The following DCAF7 variants were observed in gnomAD, a reference collection of about 807,000 sequenced individuals.
DCAF7 encodes DDB1- and CUL4-associated factor 7.
DCAF7 carries 4 observed loss-of-function variants against 41.2 expected under a neutral mutation model. That is an observed-to-expected ratio of 0.10 (90% CI 0.05 to 0.22). The LOEUF (loss-of-function observed/expected upper bound fraction) is 0.22. Ranked by LOEUF, DCAF7 falls within the 10% of genes least tolerant of loss-of-function variation. The pLI is 1.00. For synonymous variants in DCAF7, 143 were observed against 164.2 expected (o/e 0.87, Z 0.99); for missense variants, 131 against 443.2 (o/e 0.30, Z 6.32).
chr17:63,554,584 C>T (rs2033292144), intron 1 of DCAF7, among the ~76,000 whole-genome samples: 1 of 152,228 alleles, frequency 6.6e-6, no homozygotes, highest in African/African-American at 2.4e-5. Flanking sequence ...CCTGCCACTT[C>T]CCAGTTTTGT....
In DCAF7 at chr17:63,579,823, A is replaced by G. The variant is rs1445650243; in HGVS notation, c.410-2A>G. 1 of 1,612,558 alleles carries G rather than the reference A, an allele frequency of 6.2e-7. No individual in the cohort carries two copies. On this transcript the variant is annotated splice_acceptor_variant, in intron 3 of 6. Coordinates refer to ENST00000614556, the MANE Select transcript of DCAF7 (RefSeq NM_005828.5). LOFTEE classifies it high-confidence loss of function. ...GCCCTGACTTGCACTGGTTGTTTGC[A>G]GGTACCTCAAGCATTGATACGACAT...
chr17:63,572,027 A>C (rs144528461), intron 1 of DCAF7, among the ~76,000 whole-genome samples: 14 of 152,242 alleles, frequency 9.2e-5, no homozygotes, highest in African/African-American at 3.4e-4. Flanking sequence ...CAGTAATGTC[A>C]GTGCTTTCAT....
intron 6 of DCAF7, among the ~76,000 whole-genome samples, chr17:63,588,446 C>G (rs1431597023): frequency 6.6e-6 from 1 of 151,574 alleles, no homozygotes; most frequent in Non-Finnish European, 1.5e-5. Context: ...ATCCGCCTGC[C>G]TCAGCCTTCC....
intron 1 of DCAF7, among the ~76,000 whole-genome samples, chr17:63,559,573 G>A (rs538467597): frequency 1.5e-4 from 22 of 151,012 alleles, no homozygotes; most frequent in Middle Eastern, 6.8e-3. Flanking sequence ...AGGCTGAGGC[G>A]GGTGGATCGC....
intron 1 of DCAF7, among the ~76,000 whole-genome samples, chr17:63,570,005 AC>A (rs1177218654): frequency 1.3e-5 from 2 of 151,938 alleles, no homozygotes; most frequent in African/African-American, 4.8e-5. Flanking sequence ...GAGCCACCAC[AC>A]CCGGTCTAGA....
Position 63,583,511 on chromosome 17 carries a change from A to G in DCAF7, c.538A>G (p.Ile180Val). ...TCTTGTTCACCAACAGGTCTATGAT[A>G]TTGCATTTAGCCGGGCCGGGGGTGG... ...LIAHDKEVYD[I>V]AFSRAGGGRD... Residue 180 changes from isoleucine (I) to valine (V), a missense_variant, in exon 5 of 7, where the codon ATT becomes GTT. By Grantham distance (29) the Ile-to-Val change is conservative (BLOSUM62 3). Coordinates refer to ENST00000614556, the MANE Select transcript of DCAF7 (RefSeq NM_005828.5). The G allele has an allele frequency of 6.2e-7, 1 of 1,613,738 alleles. No individual in the cohort carries two copies. Among genetic ancestry groups the G allele is most frequent in the Non-Finnish European group, 8.5e-7 (1 of 1,179,794 alleles).
rs1048394696 is a variant in DCAF7, at chr17:63,589,586, C to T, written c.*414C>T. The T allele has an allele frequency of 9.4e-5, 21 of 224,468 alleles. No individual in the cohort carries two copies. The highest frequency in any genetic ancestry group is 1.6e-4 in the Non-Finnish European group (18 of 109,414). The allele number at this position is 224,468 out of a possible 1,614,324, so 13.9% of individuals were successfully genotyped here. On this transcript the variant is annotated 3_prime_UTR_variant, in exon 7 of 7. Coordinates refer to ENST00000614556, the MANE Select transcript of DCAF7 (RefSeq NM_005828.5). ...ATGTCCATGTTCGTGTTAGCACTTA[C>T]GTGGGAACAAATACCAATTTGTCTT...
intron 1 of DCAF7, among the ~76,000 whole-genome samples, chr17:63,560,460 C>T (rs2033368573): frequency 6.6e-6 from 1 of 152,104 alleles, no homozygotes; most frequent in Non-Finnish European, 1.5e-5. Context: ...AATGAGCTAG[C>T]TTTTCATATA....
At chr17:63,555,611 G>A (rs1409014445) in intron 1 of DCAF7, among the ~76,000 whole-genome samples, 1 of 152,028 alleles carries the variant, frequency 6.6e-6, no homozygotes, top group African/African-American at 2.4e-5. Flanking sequence ...ATGTGTTTTG[G>A]TACACATCAG....
rs76861853 is a variant in DCAF7, at chr17:63,581,155, G to A, written c.528+1212G>A. 2.4e-3 allele frequency among the ~76,000 whole-genome samples: 373 copies of A among 152,266 alleles called. 3 individuals are homozygous for A. Among genetic ancestry groups the A allele is most frequent in the African/African-American group, 8.7e-3 (362 of 41,560 alleles). Reference sequence around the variant, plus strand: ...AGAGTTGACTGCTGCTAAACCAGGGGTCAAATGAAGAGTTTGTCCCACAGA... The same window carrying A: ...AGAGTTGACTGCTGCTAAACCAGGGATCAAATGAAGAGTTTGTCCCACAGA... On this transcript the variant is annotated intron_variant, in intron 4 of 6. Coordinates refer to ENST00000614556, the MANE Select transcript of DCAF7 (RefSeq NM_005828.5).
At chr17:63,584,006 A>T (rs1343429393) in intron 5 of DCAF7, among the ~76,000 whole-genome samples, 7 of 152,206 alleles carry the variant, frequency 4.6e-5, no homozygotes, top group African/African-American at 7.2e-5. Context: ...CTGGAATAAG[A>T]ATTACTTGTT....
chr17:63,582,940 G>T (rs2033639747), intron 4 of DCAF7, among the ~76,000 whole-genome samples: 1 of 152,186 alleles, frequency 6.6e-6, no homozygotes, highest in African/African-American at 2.4e-5. Flanking sequence ...AGGACAAGCG[G>T]GTGCTACTAA....
At chr17:63,568,483 A>G (rs1036848790) in intron 1 of DCAF7, among the ~76,000 whole-genome samples, 67 of 152,186 alleles carry the variant, frequency 4.4e-4, no homozygotes, top group African/African-American at 1.6e-3. Flanking sequence ...TGATGGCAAA[A>G]AAACACAATT....
intron 1 of DCAF7, among the ~76,000 whole-genome samples, chr17:63,574,494 G>A (rs1262886446): frequency 2.6e-5 from 4 of 152,108 alleles, no homozygotes. Flanking sequence ...TAGTCATATG[G>A]ATTTTTAAGA....
At chr17:63,557,319 A>G (rs1250112656) in intron 1 of DCAF7, among the ~76,000 whole-genome samples, 2 of 152,148 alleles carry the variant, frequency 1.3e-5, no homozygotes, top group Non-Finnish European at 2.9e-5. Flanking sequence ...AGAGAAAACT[A>G]AAATTATCAC....
At chr17:63,569,497 G>A (rs1402688888) in intron 1 of DCAF7, among the ~76,000 whole-genome samples, 2 of 152,102 alleles carry the variant, frequency 1.3e-5, no homozygotes, top group African/African-American at 4.8e-5. Flanking sequence ...GTACCACCAG[G>A]CCTGATCTCC....
rs1398811906 is a variant in DCAF7, at chr17:63,591,806, A to G, written c.*2634A>G. ...ATCTGTTCTCCCTGACTGCGGGAGG[A>G]GCAGCCACTAGGACTTTAGCAGGAA... is the stretch of plus-strand genomic sequence containing the variant. On this transcript the variant is annotated 3_prime_UTR_variant, in exon 7 of 7. Transcript: ENST00000614556. 3 of 152,226 alleles carry G rather than the reference A, an allele frequency of 2.0e-5. No individual in the cohort carries two copies. The highest frequency in any genetic ancestry group is 4.4e-5 in the Non-Finnish European group (3 of 68,066). The allele number at this position is 152,226 out of a possible 1,614,324, so 9.4% of individuals were successfully genotyped here. A position where few individuals can be genotyped will look rare whatever the true frequency, so the allele number is the denominator to read the frequency against.
intron 1 of DCAF7, among the ~76,000 whole-genome samples, chr17:63,565,574 T>A (rs1405915144): frequency 2.6e-5 from 4 of 151,344 alleles, no homozygotes; most frequent in East Asian, 1.9e-4. Context: ...CTCAAAAAAA[T>A]AATAAATAAT....
At chr17:63,579,728 T>C in intron 3 of DCAF7, 97 bp from the exon 4 acceptor site, 1 of 1,049,424 alleles carries the variant, frequency 9.5e-7, no homozygotes, top group South Asian at 1.5e-5. Context: ...CTTTATGGTA[T>C]GCTGCTCCCT....
Sources: gnomAD v4.1 joint callset for allele counts (sites outside exome capture counted in the v4.1 genomes callset) on GRCh38, gnomAD v4.1.1 for gene constraint, MANE v1.5 for transcripts, NCBI Gene and HGNC (gene_info 2026-07-23, HGNC 2026-07-21) for gene names.